CTNNBIP1: variants seen among roughly 807,000 people sequenced by gnomAD.
CTNNBIP1 encodes the protein catenin beta interacting protein 1.
A neutral mutation model predicts 11.8 loss-of-function variants in CTNNBIP1; 7 were observed. The observed-to-expected ratio is 0.60, with a 90% CI of 0.34 to 1.12. The LOEUF (loss-of-function observed/expected upper bound fraction) is 1.12, where lower values mean the gene tolerates loss of function less well. Among genes scored for constraint, CTNNBIP1 ranks in the 50% most tolerant of loss-of-function variants. The pLI, the probability that CTNNBIP1 is intolerant of heterozygous loss-of-function variation, is 0.03. For missense variants in CTNNBIP1, 101 were observed against 113.4 expected, an observed-to-expected ratio of 0.89 and a Z score of 0.50; for synonymous variants, 58 against 43.9, an observed-to-expected ratio of 1.32 and a Z score of -1.26.
Position 9,891,781 on chromosome 1 carries a change from ATTTTTTTTTTTTTT to A in CTNNBIP1, c.-143-8057_-143-8044del, listed in dbSNP as rs70998316. On this transcript the variant is annotated intron_variant, in intron 1 of 5. Transcript: ENST00000377263. ...ATAAAGTAAGACCCCATCTCTTTAA[ATTTTTTTTTTTTTT>A]TTTTTTTTTTTTTTTGGAGATGGGG... 2.1e-3 allele frequency among the ~76,000 whole-genome samples: 168 copies of A among 81,454 alleles called. 1 individual carries two copies. Among genetic ancestry groups the A allele is most frequent in the South Asian group, 3.4e-3 (7 of 2,048 alleles). 53.4% of individuals were successfully genotyped at this position (81,454 alleles called of 152,430 possible). A position where few individuals can be genotyped will look rare whatever the true frequency, so the allele number is the denominator to read the frequency against.
At chr1:9,868,731 G>A (rs749640748) in intron 5 of CTNNBIP1, among the ~76,000 whole-genome samples, 5 of 151,962 alleles carry the variant, frequency 3.3e-5, no homozygotes, top group Non-Finnish European at 7.4e-5. Flanking sequence ...AGATTCAAGC[G>A]GTTCTCCTGC....
At position 9,872,810 on chromosome 1, in the gene CTNNBIP1, G is replaced by A. The variant is rs1399483142; in HGVS notation, c.-24-722C>T. ...GGACCTAACCTGTAGAAAGTCCCCA[G>A]GAGAGAAGTCCAGAGCCCCCTCCCT... On this transcript the variant is annotated intron_variant, in intron 3 of 5. Coordinates refer to ENST00000377263, the MANE Select transcript of CTNNBIP1 (RefSeq NM_020248.3). The surrounding 1 kb of genome is among the most constrained non-coding windows in gnomAD (Gnocchi z 4.0). 6.6e-6 allele frequency among the ~76,000 whole-genome samples: 1 copy of A among 152,208 alleles called. No homozygotes were observed. Among genetic ancestry groups the A allele is most frequent in the African/African-American group, 2.4e-5 (1 of 41,458 alleles).
intron 1 of CTNNBIP1, among the ~76,000 whole-genome samples, chr1:9,898,616 A>T (rs367723531): frequency 6.6e-5 from 10 of 152,094 alleles, no homozygotes; most frequent in Non-Finnish European, 1.3e-4. Context: ...CTTAATATAT[A>T]AAAAAAAGTG....
chr1:9,874,441 G>T (rs1304946735), intron 3 of CTNNBIP1, among the ~76,000 whole-genome samples: 2 of 152,138 alleles, frequency 1.3e-5, no homozygotes, highest in African/African-American at 2.4e-5. Flanking sequence ...TTTTTGTAGA[G>T]GTCTTGTTAT....
chr1:9,908,287 G>A (rs1250890852), intron 1 of CTNNBIP1, among the ~76,000 whole-genome samples: 1 of 151,494 alleles, frequency 6.6e-6, no homozygotes, highest in Non-Finnish European at 1.5e-5. Flanking sequence ...TCGAACTCCT[G>A]ACCTCGTGAT....
rs867609978 is a variant in CTNNBIP1, at chr1:9,859,389, T to A, written c.188-8613A>T. On this transcript the variant is annotated intron_variant, in intron 5 of 5. Coordinates refer to ENST00000377263, the MANE Select transcript of CTNNBIP1 (RefSeq NM_020248.3). ...AGCTTAGAAAAGGGAAGCTGGCCCC[T>A]AGCCGGGGGCGGGAGAGAGACAATG... is the stretch of plus-strand genomic sequence containing the variant. Among the ~76,000 whole-genome samples, 7 of 152,304 alleles carry A rather than the reference T, an allele frequency of 4.6e-5. No homozygotes were observed. The Middle Eastern group carries it at 0.01, about 222-fold the overall frequency.
chr1:9,908,993 T>C (rs1366306740), intron 1 of CTNNBIP1, among the ~76,000 whole-genome samples: 1 of 152,222 alleles, frequency 6.6e-6, no homozygotes, highest in Non-Finnish European at 1.5e-5. Flanking sequence ...TTATTTATGA[T>C]CCAAAGTCCT....
At chr1:9,907,060 A>G (rs1299675902) in intron 1 of CTNNBIP1, among the ~76,000 whole-genome samples, 3 of 152,210 alleles carry the variant, frequency 2.0e-5, no homozygotes, top group Admixed American at 2.0e-4. Context: ...CTTAACCATA[A>G]AAGAAGGGGC....
chr1:9,894,087 A>C (rs1199554140), intron 1 of CTNNBIP1, among the ~76,000 whole-genome samples: 4 of 152,132 alleles, frequency 2.6e-5, no homozygotes, highest in African/African-American at 9.7e-5. Flanking sequence ...CTTTTGAAAA[A>C]TTCCAAAGCC....
intron 5 of CTNNBIP1, among the ~76,000 whole-genome samples, chr1:9,863,564 C>T (rs557013885): frequency 1.1e-4 from 17 of 152,228 alleles, no homozygotes; most frequent in Middle Eastern, 3.2e-3. Flanking sequence ...CAGCCTGGCC[C>T]TGGAAGGCGC....
chr1:9,893,628 C>A (rs1417531301), intron 1 of CTNNBIP1, among the ~76,000 whole-genome samples: 1 of 152,186 alleles, frequency 6.6e-6, no homozygotes, highest in Non-Finnish European at 1.5e-5. Context: ...TCAAGGGTCA[C>A]TGGAAGAGGG....
intron 5 of CTNNBIP1, among the ~76,000 whole-genome samples, chr1:9,859,352 C>G (rs1278641417): frequency 2.6e-5 from 4 of 152,156 alleles, no homozygotes; most frequent in Non-Finnish European, 5.9e-5. Flanking sequence ...GAAAAAATGA[C>G]AAATATGCAG....
At chr1:9,856,779 G>T (rs1013669018) in intron 5 of CTNNBIP1, among the ~76,000 whole-genome samples, 1 of 151,800 alleles carries the variant, frequency 6.6e-6, no homozygotes, top group Admixed American at 6.6e-5. Flanking sequence ...CTCCCAAAGT[G>T]TTGGGATTAA....
rs946273 is a variant in CTNNBIP1, at chr1:9,848,457, A to G, written c.*2261T>C. The G allele has an allele frequency of 0.96, 145,941 of 152,276 alleles. 70,204 individuals are homozygous for G. The highest frequency in any genetic ancestry group is 1 in the Non-Finnish European group (67,997 of 68,034). 9.4% of individuals were successfully genotyped at this position (152,276 alleles called of 1,614,324 possible). ...GGACAGGCTGGGGCAGAGACCACAC[A>G]CTCAACCAGGTATCCACCAGGTGTG... On this transcript the variant is annotated 3_prime_UTR_variant, in exon 6 of 6. Coordinates refer to ENST00000377263, the MANE Select transcript of CTNNBIP1 (RefSeq NM_020248.3). This position sits in a 1 kb window ranked among gnomAD's most constrained non-coding sequence, Gnocchi z 4.3.
Position 9,872,140 on chromosome 1 carries a change from T to A in CTNNBIP1, c.-24-52A>T. 1 of 1,121,550 alleles carries A rather than the reference T, an allele frequency of 8.9e-7. No individual in the cohort carries two copies. Among genetic ancestry groups the A allele is most frequent in the South Asian group, 1.3e-5 (1 of 79,050 alleles). The allele number at this position is 1,121,550 out of a possible 1,614,324, so 69.5% of individuals were successfully genotyped here. A position where few individuals can be genotyped will look rare whatever the true frequency, so the allele number is the denominator to read the frequency against. ...GGGAAGAGATCAGGATGTGACATAC[T>A]GGGACAATGACACCTGCTAGTGACC... On this transcript the variant is annotated intron_variant, in intron 3 of 5. Coordinates refer to ENST00000377263, the MANE Select transcript of CTNNBIP1 (RefSeq NM_020248.3). This position sits in a 1 kb window ranked among gnomAD's most constrained non-coding sequence, Gnocchi z 4.0.
chr1:9,871,956 C>A lies in CTNNBIP1; in HGVS notation c.96+13G>T, dbSNP rs759539843. The A allele has an allele frequency of 4.7e-5, 76 of 1,609,686 alleles. No homozygotes were observed. The East Asian group carries it at 1.6e-3, about 33-fold the overall frequency. On this transcript the variant is annotated intron_variant, in intron 4 of 5. Transcript: ENST00000377263. The surrounding 1 kb of genome is among the most constrained non-coding windows in gnomAD (Gnocchi z 5.2). ...CCTGGGGGCCCGCTGCCTGACACCC[C>A]ACAGGCACTCACGTTTGATCCCATC...
chr1:9,900,386 T>A (rs1204228616), intron 1 of CTNNBIP1, among the ~76,000 whole-genome samples: 1 of 152,156 alleles, frequency 6.6e-6, no homozygotes, highest in African/African-American at 2.4e-5. Context: ...GGGCGAATGA[T>A]GTTTTTAAAT....
chr1:9,882,928 G>A (rs1639113801), intron 2 of CTNNBIP1, among the ~76,000 whole-genome samples: 2 of 152,198 alleles, frequency 1.3e-5, no homozygotes, highest in Admixed American at 1.3e-4. Context: ...GAAACACGGT[G>A]ACAAGCTAGT....
At chr1:9,897,454 A>AAAAAAC (rs776131271) in intron 1 of CTNNBIP1, among the ~76,000 whole-genome samples, 8 of 151,840 alleles carry the variant, frequency 5.3e-5, no homozygotes, top group Non-Finnish European at 7.4e-5. Context: ...ACTCCGTCTC[A>AAAAAAC]AAAAACAAAA....
Sources: allele counts gnomAD v4.1 joint callset (sites outside exome capture counted in the v4.1 genomes callset), GRCh38; gene constraint gnomAD v4.1.1; non-coding constraint Gnocchi (gnomAD v3.1); transcripts MANE v1.5; gene names NCBI Gene and HGNC (gene_info 2026-07-23, HGNC 2026-07-21).